The following LDB3 variants were observed in gnomAD, a reference collection of about 807,000 sequenced individuals.
The protein encoded by LDB3 is LIM domain-binding protein 3.
A neutral mutation model predicts 69.0 loss-of-function variants in LDB3; 49 were observed. That is an observed-to-expected ratio of 0.71 (90% confidence interval 0.56 to 0.90). LDB3 has a LOEUF of 0.90. Ranked by LOEUF, LDB3 falls within the 40% of genes least tolerant of loss-of-function variation. The pLI, the probability that LDB3 is intolerant of heterozygous loss-of-function variation, is 0.00. For missense variants in LDB3, 928 were observed against 974.1 expected (o/e 0.95, Z 0.63); for synonymous variants, 387 against 396.2 (o/e 0.98, Z 0.28).
chr10:86,695,902 CT>C (rs1428095067), intron 7 of LDB3, among the ~76,000 whole-genome samples: 1 of 152,240 alleles, frequency 6.6e-6, no homozygotes, highest in Admixed American at 6.5e-5. Context: ...AGACATGCCC[CT>C]GATCCCTTAC....
intron 5 of LDB3, chr10:86,685,773 G>T: frequency 1.3e-6 from 2 of 1,551,318 alleles, no homozygotes; most frequent in South Asian, 2.2e-5. Context: ...TGTCTGGCGT[G>T]GATAGAGTGT....
intron 7 of LDB3, among the ~76,000 whole-genome samples, chr10:86,703,422 C>T (rs965578597): frequency 2.1e-4 from 32 of 152,238 alleles, no homozygotes; most frequent in Admixed American, 2.1e-3. Flanking sequence ...GGGCCAGGGC[C>T]AGGCACGGCT....
Position 86,681,542 on chromosome 10 carries a change from G to A in LDB3, c.428G>A (p.Ser143Asn), listed in dbSNP as rs201773873. 6.2e-6 allele frequency: 10 copies of A among 1,612,742 alleles called. No individual in the cohort carries two copies. In the African/African-American group the frequency reaches 1.3e-4, roughly 22 times the overall value. Residue 143 changes from serine (S) to asparagine (N), a missense_variant, in exon 5 of 14, where the codon AGC becomes AAC. Transcript: ENST00000361373. ...PGTPELRPTF[S>N]PAFSRPSAFS... ...ACCCCGGAGCTCAGGCCCACCTTTA[G>A]CCCTGCCTTCTCCCGGCCCTCCGCC...
chr10:86,692,150 G>A, intron 6 of LDB3, 85 bp downstream of exon 6: 1 of 1,491,544 alleles, frequency 6.7e-7, no homozygotes, highest in South Asian at 1.2e-5. Flanking sequence ...GCAGAAGCCA[G>A]GGAGTCCTGC....
At chr10:86,684,324 T>A (rs1845336908) in intron 5 of LDB3, among the ~76,000 whole-genome samples, 1 of 152,186 alleles carries the variant, frequency 6.6e-6, no homozygotes. Context: ...CCCCAGGTCC[T>A]GGGTGGGAGA....
chr10:86,678,427 C>T (rs939249069), intron 2 of LDB3, among the ~76,000 whole-genome samples: 1 of 150,630 alleles, frequency 6.6e-6, no homozygotes, highest in Non-Finnish European at 1.5e-5. Context: ...GCAACCTCTG[C>T]CTCCTGGGTT....
intron 12 of LDB3, among the ~76,000 whole-genome samples, chr10:86,721,203 G>T (rs115249027): frequency 0.01 from 1,561 of 152,304 alleles, 21 homozygotes; most frequent in African/African-American, 0.03. Flanking sequence ...GAGAATAAAG[G>T]TTCCAATTTC....
intron 12 of LDB3, among the ~76,000 whole-genome samples, chr10:86,725,199 G>A (rs1021103695): frequency 2.0e-5 from 3 of 152,250 alleles, no homozygotes; most frequent in Non-Finnish European, 2.9e-5. Flanking sequence ...TACAGTCAGT[G>A]TGGTAGAACT....
At chr10:86,675,249 G>C (rs1472367742) in intron 2 of LDB3, among the ~76,000 whole-genome samples, 3 of 152,242 alleles carry the variant, frequency 2.0e-5, no homozygotes, top group Non-Finnish European at 4.4e-5. Context: ...GAAGTGAGGA[G>C]ACCTGGTGGG....
At chr10:86,681,140 C>T (rs1440034418) in intron 4 of LDB3, among the ~76,000 whole-genome samples, 1 of 152,130 alleles carries the variant, frequency 6.6e-6, no homozygotes, top group Non-Finnish European at 1.5e-5. Flanking sequence ...CGGGCCATCC[C>T]CTGACCCCTA....
At position 86,699,141 on chromosome 10, in the gene LDB3, T is replaced by C; in HGVS notation, c.896+6570T>C. The C allele has an allele frequency of 2.2e-6, 2 of 902,622 alleles. No individual in the cohort carries two copies. The highest frequency in any genetic ancestry group is 2.8e-5 in the East Asian group (1 of 35,612). 55.9% of individuals were successfully genotyped at this position (902,622 alleles called of 1,614,324 possible). On this transcript the variant is annotated intron_variant, in intron 7 of 13. Coordinates refer to ENST00000361373, the MANE Select transcript of LDB3 (RefSeq NM_007078.3). The surrounding 1 kb of genome is among the most constrained non-coding windows in gnomAD (Gnocchi z 4.9). ...CTCCAAGCCCGTTCCCTCCCTCCCA[T>C]GCCCTCTGCCCCACCTGTTAGACAG...
intron 6 of LDB3, 110 bp downstream of exon 6, chr10:86,692,175 G>A: frequency 7.8e-7 from 1 of 1,288,916 alleles, no homozygotes; most frequent in South Asian, 1.4e-5. Context: ...TGCCCTTGAA[G>A]GTGGGCCAGG....
intron 13 of LDB3, among the ~76,000 whole-genome samples, chr10:86,728,179 C>A (rs1489942875): frequency 6.6e-6 from 1 of 152,150 alleles, no homozygotes; most frequent in Non-Finnish European, 1.5e-5. Flanking sequence ...GCACTGCCTG[C>A]ACATCTGGTT....
chr10:86,711,307 C>A (rs1846652009), intron 9 of LDB3, among the ~76,000 whole-genome samples: 1 of 152,048 alleles, frequency 6.6e-6, no homozygotes, highest in Non-Finnish European at 1.5e-5. Flanking sequence ...GCCCGCCCTG[C>A]GTCTCCTTCC....
At chr10:86,668,324 A>T (rs1032405772), upstream of LDB3, 23 of 357,166 alleles carry the variant, frequency 6.4e-5, no homozygotes, top group Non-Finnish European at 1.2e-4. Context: ...CAACCAGGCC[A>T]GTTCCCCTTC....
intron 7 of LDB3, among the ~76,000 whole-genome samples, chr10:86,701,846 G>A (rs145719712): frequency 9.2e-5 from 14 of 152,332 alleles, no homozygotes; most frequent in Middle Eastern, 3.4e-3. Context: ...AGAATGCAGA[G>A]GATGTCATGG....
intron 2 of LDB3, among the ~76,000 whole-genome samples, chr10:86,678,033 T>C (rs1844896093): frequency 6.6e-6 from 1 of 151,150 alleles, no homozygotes; most frequent in Admixed American, 6.6e-5. Flanking sequence ...TAGCCTGCAG[T>C]TTTTTGTTTG....
chr10:86,706,637 C>G lies in LDB3; in HGVS notation c.1003C>G (p.Pro335Ala). Reference sequence around the variant, plus strand: ...TGCCTCTCCCAGTGCGGCTTCGCCACCCCTGGCCACAGCTGCTGCCCACAC... The same window carrying G: ...TGCCTCTCCCAGTGCGGCTTCGCCAGCCCTGGCCACAGCTGCTGCCCACAC... ...AAASPSAASP[P>A]LATAAAHTAI... is the part of the protein sequence containing the mutation. Residue 335 changes from proline to alanine, a missense_variant, in exon 8 of 14, where the codon CCC (proline) becomes GCC (alanine). Coordinates refer to ENST00000361373, the MANE Select transcript of LDB3 (RefSeq NM_007078.3). 1 of 1,613,164 alleles carries G rather than the reference C, an allele frequency of 6.2e-7. No individual in the cohort carries two copies. Among genetic ancestry groups the G allele is most frequent in the Non-Finnish European group, 8.5e-7 (1 of 1,179,938 alleles).
chr10:86,719,528 C>T (rs1368124910), intron 12 of LDB3, among the ~76,000 whole-genome samples: 2 of 152,166 alleles, frequency 1.3e-5, no homozygotes, highest in African/African-American at 4.8e-5. Flanking sequence ...CATTCTATTC[C>T]TGGTTCCACT....
Sources: allele counts gnomAD v4.1 joint callset (sites outside exome capture counted in the v4.1 genomes callset), GRCh38; gene constraint gnomAD v4.1.1; non-coding constraint Gnocchi (gnomAD v3.1); transcripts MANE v1.5; gene names NCBI Gene and HGNC (gene_info 2026-07-23, HGNC 2026-07-21).